GJA3: variants seen among roughly 807,000 people sequenced by gnomAD.
The protein encoded by GJA3 is gap junction alpha-3 protein.
For synonymous variants in GJA3, 297 were observed against 292.6 expected (o/e 1.02, Z -0.15); for missense variants, 571 against 620.3 (o/e 0.92, Z 0.84).
intron 1 of GJA3, among the ~76,000 whole-genome samples, chr13:20,143,610 C>T (rs1958826394): frequency 6.6e-6 from 1 of 152,250 alleles, no homozygotes; most frequent in African/African-American, 2.4e-5. Flanking sequence ...CCTACAGGAG[C>T]TCTGGGGCTC....
In GJA3 at chr13:20,141,653, T is replaced by G; in HGVS notation, c.*328A>C. On this transcript the variant is annotated 3_prime_UTR_variant, in exon 2 of 2. Transcript: ENST00000241125. ...AAGGGACTGCAGGATACCTGTTGCT[T>G]TACCACTACAGAACAGTTACCCCCA... 3.1e-6 allele frequency: 1 copy of G among 323,424 alleles called. No homozygotes were observed. The highest frequency in any genetic ancestry group is 5.6e-6 in the Non-Finnish European group (1 of 177,940). The allele number at this position is 323,424 out of a possible 1,614,324, so 20.0% of individuals were successfully genotyped here. A position where few individuals can be genotyped will look rare whatever the true frequency, so the allele number is the denominator to read the frequency against.
intron 1 of GJA3, among the ~76,000 whole-genome samples, chr13:20,152,298 T>G (rs1272367149): frequency 2.8e-5 from 2 of 72,470 alleles, no homozygotes; most frequent in African/African-American, 5.9e-5. Context: ...AGTGCAAGTT[T>G]TAGTTAAGTC....
chr13:20,145,189 T>A lies in GJA3; in HGVS notation c.-17-1884A>T, dbSNP rs180780826. ...AGAGCAACAGTCCATCTCAAAAAAA[T>A]TTTTTTTTAAATATTAATTTTTATG... On this transcript the variant is annotated intron_variant, in intron 1 of 1. Transcript: ENST00000241125. Among the ~76,000 whole-genome samples, 384 of 151,952 alleles carry A rather than the reference T, an allele frequency of 2.5e-3. 1 individual carries two copies. The highest frequency in any genetic ancestry group is 8.2e-3 in the African/African-American group (341 of 41,444).
At position 20,142,289 on chromosome 13, in the gene GJA3, C is replaced by G; in HGVS notation, c.1000G>C (p.Glu334Gln). The G allele has an allele frequency of 6.4e-7, 1 of 1,568,702 alleles. No homozygotes were observed. The highest frequency in any genetic ancestry group is 8.6e-7 in the Non-Finnish European group (1 of 1,159,510). Residue 334 changes from glutamate (E) to glutamine (Q), a missense_variant, in exon 2 of 2, where the codon GAG (glutamate) becomes CAG (glutamine). By Grantham distance (29) the Glu-to-Gln change is conservative. Coordinates refer to ENST00000241125, the MANE Select transcript of GJA3 (RefSeq NM_021954.4). The part of the protein sequence containing the change: ...TEQNWANQAA[E>Q]RQPPALKAYP... Reference sequence around the variant, plus strand: ...GCCTTGAGCGCCGGGGGCTGCCGCTCGGCCGCCTGGTTGGCCCAGTTCTGC... The same window carrying G: ...GCCTTGAGCGCCGGGGGCTGCCGCTGGGCCGCCTGGTTGGCCCAGTTCTGC...
intron 1 of GJA3, among the ~76,000 whole-genome samples, chr13:20,147,477 C>T (rs74035926): frequency 5.9e-5 from 9 of 152,186 alleles, no homozygotes; most frequent in East Asian, 5.8e-4. Flanking sequence ...ACATTAATGA[C>T]GTGAAAAATT....
chr13:20,143,311 A>G lies in GJA3; in HGVS notation c.-17-6T>C, dbSNP rs762064952. 6.6e-7 allele frequency: 1 copy of G among 1,506,572 alleles called. No individual in the cohort carries two copies. The highest frequency in any genetic ancestry group is 8.8e-7 in the Non-Finnish European group (1 of 1,133,478). 93.3% of individuals were successfully genotyped at this position (1,506,572 alleles called of 1,614,324 possible). On this transcript the variant is annotated splice_region_variant and splice_polypyrimidine_tract_variant and intron_variant, in intron 1 of 1. Coordinates refer to ENST00000241125, the MANE Select transcript of GJA3 (RefSeq NM_021954.4). The stretch of plus-strand genomic sequence containing the variant: ...CATTGCTTCAGATTCCTAACCTGTA[A>G]GAGGAAAATGCTCATGAACACCGGG...
intron 1 of GJA3, among the ~76,000 whole-genome samples, chr13:20,150,694 C>A (rs905972091): frequency 2.6e-5 from 4 of 151,608 alleles, no homozygotes; most frequent in African/African-American, 9.7e-5. Context: ...CGATCCCAGG[C>A]GGGGCTGGAG....
chr13:20,142,355 C>T lies in GJA3; in HGVS notation c.934G>A (p.Ala312Thr). Residue 312 changes from alanine (A) to threonine (T), a missense_variant, in exon 2 of 2, where the codon GCC becomes ACC. Ala to Thr is a moderately conservative substitution (Grantham distance 58). Transcript: ENST00000241125. Reference protein sequence around the residue: ...LTEARGKGQSAKLYNGHHHLL... With the variant: ...LTEARGKGQSTKLYNGHHHLL... ...TGGTGGTGGCCGTTGTAGAGCTTGG[C>T]GGACTGGCCCTTTCCGCGCGCCTCG... The T allele has an allele frequency of 1.9e-6, 3 of 1,541,796 alleles. No individual in the cohort carries two copies. Among genetic ancestry groups the T allele is most frequent in the Non-Finnish European group, 1.7e-6 (2 of 1,145,190 alleles).
At chr13:20,161,319 C>G (rs1314588199), upstream of GJA3, among the ~76,000 whole-genome samples, 2 of 152,174 alleles carry the variant, frequency 1.3e-5, no homozygotes, top group African/African-American at 4.8e-5. Context: ...CGCCTACGCA[C>G]TCCGGGGCAT....
rs559330149 is a variant in GJA3, at chr13:20,143,511, T to C, written c.-17-206A>G. On this transcript the variant is annotated intron_variant, in intron 1 of 1. Transcript: ENST00000241125. The stretch of plus-strand genomic sequence containing the variant: ...CCATGAGGAACCACAGGTTAAACTC[T>C]TCATTTCAGAGAGGAGGAAGCCAGA... Among the ~76,000 whole-genome samples, 3 of 152,298 alleles carry C rather than the reference T, an allele frequency of 2.0e-5. No homozygotes were observed. In the East Asian group the frequency reaches 5.8e-4, roughly 29 times the overall value.
At position 20,157,033 on chromosome 13, in the gene GJA3, G is replaced by A. The variant is rs1958910705; in HGVS notation, c.-18+3857C>T. ...TTAATAACTTCTGTGAACCACTTAA[G>A]AATTCCACTGAAATTATTTACTTAT... On this transcript the variant is annotated intron_variant, in intron 1 of 1. Transcript: ENST00000241125. Among the ~76,000 whole-genome samples, 2 of 152,168 alleles carry A rather than the reference G, an allele frequency of 1.3e-5. 1 individual carries two copies.
rs1461304679 is a variant in GJA3, at chr13:20,139,445, A to G, written c.*2536T>C. On this transcript the variant is annotated 3_prime_UTR_variant, in exon 2 of 2. Coordinates refer to ENST00000241125, the MANE Select transcript of GJA3 (RefSeq NM_021954.4). ...ATTTCTATTTTTATTGCATGTTTCA[A>G]TGTCTTAAAGGACTAGTTGAGTAGA... 6.6e-6 allele frequency: 1 copy of G among 152,208 alleles called. No individual in the cohort carries two copies. The highest frequency in any genetic ancestry group is 2.4e-5 in the African/African-American group (1 of 41,456). The allele number at this position is 152,208 out of a possible 1,614,324, so 9.4% of individuals were successfully genotyped here. A position where few individuals can be genotyped will look rare whatever the true frequency, so the allele number is the denominator to read the frequency against.
intron 1 of GJA3, among the ~76,000 whole-genome samples, chr13:20,144,062 T>C (rs1958828735): frequency 1.3e-5 from 2 of 152,334 alleles, no homozygotes; most frequent in East Asian, 1.9e-4. Context: ...ATGAGGAGTA[T>C]TGGAGAGGTG....
intron 1 of GJA3, among the ~76,000 whole-genome samples, chr13:20,151,528 AC>A (rs1414535932): frequency 6.6e-6 from 1 of 152,068 alleles, no homozygotes; most frequent in African/African-American, 2.4e-5. Flanking sequence ...GACTCCCGAT[AC>A]CCCGGAGAAG....
chr13:20,142,308 G>A lies in GJA3; in HGVS notation c.981C>T (p.Asn327=). The A allele has an allele frequency of 6.3e-7, 1 of 1,575,082 alleles. No homozygotes were observed. Among genetic ancestry groups the A allele is most frequent in the African/African-American group, 1.4e-5 (1 of 73,530 alleles). ...GHHHLLMTEQ[N]WANQAAERQP... is the part of the protein sequence containing the mutation. ...GCCGCTCGGCCGCCTGGTTGGCCCA[G>A]TTCTGCTCAGTCATCAGCAGGTGGT... is the stretch of plus-strand genomic sequence containing the variant. The change falls in exon 2 of 2, where the codon AAC becomes AAT. Residue 327 remains asparagine (N), a synonymous_variant. Transcript: ENST00000241125.
At chr13:20,157,679 C>T (rs1000889352) in intron 1 of GJA3, among the ~76,000 whole-genome samples, 1 of 152,114 alleles carries the variant, frequency 6.6e-6, no homozygotes, top group African/African-American at 2.4e-5. Context: ...GTATTACATG[C>T]CTTTTGCATT....
intron 1 of GJA3, among the ~76,000 whole-genome samples, chr13:20,145,796 G>T (rs1182447095): frequency 6.6e-6 from 1 of 152,128 alleles, no homozygotes; most frequent in African/African-American, 2.4e-5. Flanking sequence ...GGCCTACACC[G>T]GTGCCCTGGG....
Position 20,142,461 on chromosome 13 carries a change from AGCGGTGTGCGCATAGTAGGGTG to A in GJA3, c.806_827del (p.Pro269LeufsTer25). On this transcript the variant is annotated frameshift_variant, in exon 2 of 2. Transcript: ENST00000241125. LOFTEE classifies it low-confidence loss of function (END_TRUNC). ...CGGCGCGGGCCTGTCCCAGGGGCGC[AGCGGTGTGCGCATAGTAGGGTG>A]GGAACCCGATGGCAACGGCGGGCGG... The A allele has an allele frequency of 4.6e-6, 7 of 1,533,002 alleles. No individual in the cohort carries two copies. Among genetic ancestry groups the A allele is most frequent in the Non-Finnish European group, 6.1e-6 (7 of 1,139,506 alleles). 95.0% of individuals were successfully genotyped at this position (1,533,002 alleles called of 1,614,324 possible).
At chr13:20,145,238 A>G (rs1958835152) in intron 1 of GJA3, among the ~76,000 whole-genome samples, 1 of 152,164 alleles carries the variant, frequency 6.6e-6, no homozygotes, top group South Asian at 2.1e-4. Context: ...GCAAATCAAC[A>G]AAAGAAAACT....
Sources: gnomAD v4.1 joint callset for allele counts (sites outside exome capture counted in the v4.1 genomes callset) on GRCh38, gnomAD v4.1.1 for gene constraint, MANE v1.5 for transcripts, NCBI Gene and HGNC (gene_info 2026-07-23, HGNC 2026-07-21) for gene names.